C8orf88: variants seen among roughly 807,000 people sequenced by gnomAD.
The protein encoded by C8orf88 is chromosome 8 open reading frame 88, also known as uncharacterized protein C8orf88.
C8orf88 carries 14 observed loss-of-function variants against 18.4 expected under a neutral mutation model. That is an observed-to-expected ratio of 0.76 (90% CI 0.50 to 1.19). The LOEUF (loss-of-function observed/expected upper bound fraction) is 1.19. Among genes scored for constraint, C8orf88 ranks in the 50% most tolerant of loss-of-function variants. The pLI is 0.00. For missense variants in C8orf88, 116 were observed against 134.7 expected (o/e 0.86, Z 0.69); for synonymous variants, 45 against 42.9 (o/e 1.05, Z -0.19).
chr8:90,982,416 CCA>C (rs1811447048), intron 1 of C8orf88, among the ~76,000 whole-genome samples: 1 of 152,066 alleles, frequency 6.6e-6, no homozygotes, highest in Admixed American at 6.5e-5. Context: ...ATCCTGTTCC[CCA>C]TATGAAACTA....
intron 3 of C8orf88, among the ~76,000 whole-genome samples, chr8:90,974,239 T>A (rs1811318263): frequency 6.6e-6 from 1 of 152,166 alleles, no homozygotes; most frequent in Admixed American, 6.6e-5. Flanking sequence ...AGTGACACAG[T>A]GCTAGTTTCC....
chr8:90,983,174 G>T (rs528879301), intron 1 of C8orf88, among the ~76,000 whole-genome samples: 1 of 152,132 alleles, frequency 6.6e-6, no homozygotes, highest in Admixed American at 6.5e-5. Context: ...TACAACATTG[G>T]GTAGCAAGTA....
At chr8:90,970,251 G>A (rs1217704817) in intron 4 of C8orf88, among the ~76,000 whole-genome samples, 1 of 151,780 alleles carries the variant, frequency 6.6e-6, no homozygotes, top group East Asian at 1.9e-4. Context: ...AAACTGATGT[G>A]AAAGATGTAA....
intron 3 of C8orf88, among the ~76,000 whole-genome samples, chr8:90,975,931 TA>T (rs57561343): frequency 0.012 from 1,669 of 142,794 alleles, 14 homozygotes; most frequent in South Asian, 0.031. Context: ...TATTCCACAT[TA>T]AAAAAAAAAA....
chr8:90,968,231 C>T (rs1481651502), intron 4 of C8orf88, among the ~76,000 whole-genome samples: 1 of 151,518 alleles, frequency 6.6e-6, no homozygotes, highest in African/African-American at 2.4e-5. Flanking sequence ...GCATATAAAA[C>T]AAGAGAACAG....
chr8:90,966,459 T>A (rs1586160936), intron 4 of C8orf88, among the ~76,000 whole-genome samples: 1 of 149,224 alleles, frequency 6.7e-6, no homozygotes, highest in Non-Finnish European at 1.5e-5. Flanking sequence ...CATATGTAAC[T>A]AACCTGAACA....
At chr8:90,976,326 T>C (rs1051065220) in intron 3 of C8orf88, among the ~76,000 whole-genome samples, 6 of 152,108 alleles carry the variant, frequency 3.9e-5, no homozygotes, top group African/African-American at 7.2e-5. Context: ...ATCTCTAACA[T>C]AGGTTCTAAT....
chr8:90,962,648 G>C (rs1022294526), intron 4 of C8orf88, among the ~76,000 whole-genome samples: 9 of 151,572 alleles, frequency 5.9e-5, no homozygotes. Flanking sequence ...TAGGTTCCCA[G>C]AACTGGAGGG....
At chr8:90,984,894 C>A (rs1010381814) in intron 1 of C8orf88, among the ~76,000 whole-genome samples, 2 of 152,190 alleles carry the variant, frequency 1.3e-5, no homozygotes, top group African/African-American at 4.8e-5. Flanking sequence ...CCTACACTTT[C>A]TTTCCCCTCA....
rs1196950513 is a variant in C8orf88, at chr8:90,960,760, G to A, written c.312C>T (p.Pro104=). The A allele has an allele frequency of 6.5e-7, 1 of 1,529,378 alleles. No homozygotes were observed. The highest frequency in any genetic ancestry group is 1.4e-5 in the African/African-American group (1 of 72,676). The allele number at this position is 1,529,378 out of a possible 1,614,324, so 94.7% of individuals were successfully genotyped here. The change falls in exon 5 of 6, where the codon CCC becomes CCT. Residue 104 remains proline, a synonymous_variant. Transcript: ENST00000517562. ...RKKPDFLPDH[P]IVLQKPENNQ... ...TACTTACTGGTTTTTGCAGTACAAT[G>A]GGATGATCAGGCAGAAAGTCTGGTT...
intron 5 of C8orf88, 159 bp from the exon 6 acceptor site, chr8:90,959,189 A>C: frequency 3.8e-4 from 146 of 387,726 alleles, no homozygotes; most frequent in Non-Finnish European, 3.2e-4. Flanking sequence ...CAAATAACAA[A>C]ACGGCTCATG....
chr8:90,977,483 C>CTG, intron 3 of C8orf88, among the ~76,000 whole-genome samples: 1 of 151,876 alleles, frequency 6.6e-6, no homozygotes, highest in East Asian at 1.9e-4. Flanking sequence ...GAAACAAGCG[C>CTG]CCATCAACAG....
At chr8:90,971,621 T>C (rs975302108) in intron 3 of C8orf88, among the ~76,000 whole-genome samples, 3 of 151,976 alleles carry the variant, frequency 2.0e-5, no homozygotes, top group South Asian at 2.1e-4. Flanking sequence ...ATAAGAAAAA[T>C]TGATGTATCC....
chr8:90,962,405 A>G (rs1419550121), intron 4 of C8orf88, among the ~76,000 whole-genome samples: 1 of 151,616 alleles, frequency 6.6e-6, no homozygotes. Flanking sequence ...AGCCAAGTAG[A>G]GAACTCTAAA....
intron 1 of C8orf88, among the ~76,000 whole-genome samples, chr8:90,981,312 C>CACGCTACTTCCAAAATATTAA (rs1466253752): frequency 6.6e-6 from 1 of 152,134 alleles, no homozygotes; most frequent in Non-Finnish European, 1.5e-5. Flanking sequence ...TCTTTAATTT[C>CACGCTACTTCCAAAATATTAA]TGTTCACGCT....
intron 4 of C8orf88, among the ~76,000 whole-genome samples, chr8:90,963,915 T>C (rs1811160928): frequency 6.6e-6 from 1 of 151,582 alleles, no homozygotes. Flanking sequence ...AATCGTGGAA[T>C]AAAATTTCCA....
intron 4 of C8orf88, among the ~76,000 whole-genome samples, chr8:90,962,612 G>A (rs934440387): frequency 2.0e-5 from 3 of 149,450 alleles, no homozygotes. Context: ...CCATGGCCTT[G>A]AAGACAACAG....
In C8orf88 at chr8:90,971,117, A is replaced by G; in HGVS notation, c.172T>C (p.Phe58Leu). 6.6e-7 allele frequency: 1 copy of G among 1,521,688 alleles called. No individual in the cohort carries two copies. The highest frequency in any genetic ancestry group is 8.8e-7 in the Non-Finnish European group (1 of 1,139,088). The allele number at this position is 1,521,688 out of a possible 1,614,324, so 94.3% of individuals were successfully genotyped here. A position where few individuals can be genotyped will look rare whatever the true frequency, so the allele number is the denominator to read the frequency against. ...SRCKTNGMQA[F>L]SQGLNEQQQQ... ...TGTTGCTCATTAAGACCTTGAGAAAAGGCTTGCATTCCATTCGTCTTACAC... is the reference window on the plus strand; with the variant it reads ...TGTTGCTCATTAAGACCTTGAGAAAGGGCTTGCATTCCATTCGTCTTACAC... The change falls in exon 4 of 6, where the codon TTT (phenylalanine) becomes CTT (leucine). Residue 58 changes from phenylalanine (F) to leucine (L), a missense_variant. By Grantham distance (22) the Phe-to-Leu change is conservative. Transcript: ENST00000517562.
In C8orf88 at chr8:90,974,916, A is replaced by G. The variant is rs570447016; in HGVS notation, c.147+3663T>C. Among the ~76,000 whole-genome samples the G allele has an allele frequency of 6.6e-5, 10 of 152,310 alleles. No homozygotes were observed. The South Asian group carries it at 2.1e-3, about 32-fold the overall frequency. On this transcript the variant is annotated intron_variant, in intron 3 of 5. Transcript: ENST00000517562. The stretch of plus-strand genomic sequence containing the variant: ...GCTAGATCTAATAATTGAGTTTAAC[A>G]AAATCACTATAAAAAATCAATTATT...
Sources: gnomAD v4.1 joint callset for allele counts (sites outside exome capture counted in the v4.1 genomes callset) on GRCh38, gnomAD v4.1.1 for gene constraint, MANE v1.5 for transcripts, NCBI Gene and HGNC (gene_info 2026-07-23, HGNC 2026-07-21) for gene names.